The following IL1R2 variants were observed in gnomAD, a reference collection of about 807,000 sequenced individuals.
IL1R2 encodes interleukin-1 receptor type 2.
A neutral mutation model predicts 39.5 loss-of-function variants in IL1R2; 46 were observed. That is an observed-to-expected ratio of 1.16 (90% CI 0.92 to 1.49). The LOEUF (loss-of-function observed/expected upper bound fraction) is 1.49, where lower values mean the gene tolerates loss of function less well. Among genes scored for constraint, IL1R2 ranks in the 40% most tolerant of loss-of-function variants. The pLI is 0.00. For missense variants in IL1R2, 537 were observed against 502.0 expected, an observed-to-expected ratio of 1.07 and a Z score of -0.67; for synonymous variants, 207 against 189.6, an observed-to-expected ratio of 1.09 and a Z score of -0.75.
chr2:102,002,406 CTA>C (rs1404636541), intron 1 of IL1R2, among the ~76,000 whole-genome samples: 6 of 147,236 alleles, frequency 4.1e-5, no homozygotes, highest in Admixed American at 3.4e-4. Flanking sequence ...GTGTCTGTGT[CTA>C]TGTCTATGTC....
At position 102,024,526 on chromosome 2, in the gene IL1R2, T is replaced by C; in HGVS notation, c.752-7T>C. ...GCAGTTGACGTGCTGTGCCTTGCCA[T>C]CCACAGGGTCAAGACTGACAATCCC... is the stretch of plus-strand genomic sequence containing the variant. On this transcript the variant is annotated splice_region_variant and splice_polypyrimidine_tract_variant and intron_variant, in intron 6 of 8. Coordinates refer to ENST00000332549, the MANE Select transcript of IL1R2 (RefSeq NM_004633.4). 6.2e-7 allele frequency: 1 copy of C among 1,609,270 alleles called. No individual in the cohort carries two copies. Among genetic ancestry groups the C allele is most frequent in the Middle Eastern group, 1.7e-4 (1 of 6,056 alleles).
At chr2:101,999,371 A>G (rs910328339) in intron 1 of IL1R2, among the ~76,000 whole-genome samples, 4 of 152,246 alleles carry the variant, frequency 2.6e-5, no homozygotes, top group African/African-American at 9.6e-5. Context: ...GTTACTAATT[A>G]ACTTTATCCA....
chr2:102,025,441 A>G (rs1467464878), intron 7 of IL1R2, among the ~76,000 whole-genome samples: 1 of 152,264 alleles, frequency 6.6e-6, no homozygotes, highest in African/African-American at 2.4e-5. Context: ...CCTGGCCACA[A>G]CTAAATGCCC....
intron 1 of IL1R2, chr2:101,998,897 T>C (rs1675713869): frequency 6.6e-6 from 1 of 152,194 alleles, no homozygotes; most frequent in Non-Finnish European, 1.5e-5. Context: ...TGCATTGTAT[T>C]GGTTACACCA....
intron 3 of IL1R2, among the ~76,000 whole-genome samples, chr2:102,012,414 T>C (rs1023055072): frequency 1.3e-5 from 2 of 152,140 alleles, no homozygotes; most frequent in African/African-American, 4.8e-5. Flanking sequence ...GTGAGATTCT[T>C]AGCACAGTGG....
intron 1 of IL1R2, among the ~76,000 whole-genome samples, chr2:102,003,567 G>A (rs375389625): frequency 1.5e-4 from 11 of 75,768 alleles, no homozygotes; most frequent in African/African-American, 6.6e-4. Context: ...TGTCTGTGTC[G>A]GTGTCTGTGT....
At chr2:101,997,647 G>A (rs2150418412) in intron 1 of IL1R2, among the ~76,000 whole-genome samples, 1 of 152,266 alleles carries the variant, frequency 6.6e-6, no homozygotes, top group East Asian at 1.9e-4. Flanking sequence ...TTCTCTCCTG[G>A]GAGTGCAGGG....
In IL1R2 at chr2:102,006,038, A is replaced by G. The variant is rs1341048815; in HGVS notation, c.-61-2477A>G. ...GATAAAATGCAAGAATGAATGTTCA[A>G]TATTTGGCACAATAGCTATTGTTAT... On this transcript the variant is annotated intron_variant, in intron 1 of 8. Transcript: ENST00000332549. Among the ~76,000 whole-genome samples, 3 of 152,216 alleles carry G rather than the reference A, an allele frequency of 2.0e-5. No homozygotes were observed. The East Asian group carries it at 5.8e-4, about 29-fold the overall frequency.
rs1676405241 is a variant in IL1R2 at position 102,008,545 on chromosome 2, T to G, written c.-31T>G. The G allele has an allele frequency of 6.2e-7, 1 of 1,602,316 alleles. No individual in the cohort carries two copies. The highest frequency in any genetic ancestry group is 1.1e-5 in the South Asian group (1 of 90,808). On this transcript the variant is annotated 5_prime_UTR_variant, in exon 2 of 9. Transcript: ENST00000332549. ...GTGCTGCTGGGTCTCAGTCCTCCAC[T>G]TCCCGTGTCCTCTGGAAGTTGTCAG...
At chr2:102,020,265 T>C (rs1436775558) in intron 5 of IL1R2, among the ~76,000 whole-genome samples, 1 of 152,214 alleles carries the variant, frequency 6.6e-6, no homozygotes, top group Admixed American at 6.5e-5. Flanking sequence ...TTATTTGTCT[T>C]CCCTAAGGTG....
chr2:102,017,107 G>A (rs191747802), intron 4 of IL1R2, among the ~76,000 whole-genome samples: 1 of 152,158 alleles, frequency 6.6e-6, no homozygotes, highest in African/African-American at 2.4e-5. Flanking sequence ...TTTTTAAAAA[G>A]TACATGACAG....
At chr2:101,995,489 A>G (rs1185597287) in intron 1 of IL1R2, among the ~76,000 whole-genome samples, 2 of 152,176 alleles carry the variant, frequency 1.3e-5, no homozygotes, top group Non-Finnish European at 2.9e-5. Context: ...GCACAGCCCA[A>G]ACGATACCTT....
In IL1R2 at chr2:102,008,500, T is replaced by A; in HGVS notation, c.-61-15T>A. 8.6e-7 allele frequency: 1 copy of A among 1,156,784 alleles called. No individual in the cohort carries two copies. Among genetic ancestry groups the A allele is most frequent in the Non-Finnish European group, 1.3e-6 (1 of 763,372 alleles). The allele number at this position is 1,156,784 out of a possible 1,614,324, so 71.7% of individuals were successfully genotyped here. ...GGTTCTTGGTTCCTGGTGACACCTC[T>A]GTTTCCTCCCCTAGGCCACGTGCTG... On this transcript the variant is annotated splice_polypyrimidine_tract_variant and intron_variant, in intron 1 of 8. Transcript: ENST00000332549.
intron 1 of IL1R2, among the ~76,000 whole-genome samples, chr2:102,003,987 G>A (rs537428192): frequency 1.6e-4 from 17 of 104,536 alleles, no homozygotes; most frequent in African/African-American, 5.6e-4. Context: ...GTCTCGGTCT[G>A]GGTCTATGTC....
rs1209407331 is a variant in IL1R2, at chr2:102,004,452, T to G, written c.-61-4063T>G. On this transcript the variant is annotated intron_variant, in intron 1 of 8. Transcript: ENST00000332549. ...GGTCCTGTTTTTCATCATATGCCTC[T>G]GTTTTCTTATGTTGAATGTGGTGAA... Among the ~76,000 whole-genome samples the G allele has an allele frequency of 2.0e-5, 3 of 150,774 alleles. No homozygotes were observed. In the East Asian group the frequency reaches 5.8e-4, roughly 29 times the overall value.
chr2:102,002,353 T>TGTGTCTGTGTCG (rs61142063), intron 1 of IL1R2, among the ~76,000 whole-genome samples: 73,997 of 147,022 alleles, frequency 0.5, 19,967 homozygotes, highest in African/African-American at 0.71. Flanking sequence ...CGGGTGTGTC[T>TGTGTCTGTGTCG]GTGTCTGTGT....
At chr2:101,996,083 T>C (rs979777303) in intron 1 of IL1R2, among the ~76,000 whole-genome samples, 2 of 152,094 alleles carry the variant, frequency 1.3e-5, no homozygotes, top group Non-Finnish European at 2.9e-5. Context: ...GCACTTGTTT[T>C]TCTCAGTCAC....
intron 1 of IL1R2, among the ~76,000 whole-genome samples, chr2:102,006,132 A>G (rs569595852): frequency 5.6e-4 from 85 of 152,326 alleles, no homozygotes; most frequent in African/African-American, 1.9e-3. Flanking sequence ...GGTTAGCTAC[A>G]GTGTATTTAA....
At chr2:102,005,715 C>T (rs1367681082) in intron 1 of IL1R2, among the ~76,000 whole-genome samples, 1 of 152,186 alleles carries the variant, frequency 6.6e-6, no homozygotes, top group Non-Finnish European at 1.5e-5. Context: ...TGTCACATGG[C>T]CACTCCTTGT....
Sources: gnomAD v4.1 joint callset for allele counts (sites outside exome capture counted in the v4.1 genomes callset) on GRCh38, gnomAD v4.1.1 for gene constraint, MANE v1.5 for transcripts, NCBI Gene and HGNC (gene_info 2026-07-23, HGNC 2026-07-21) for gene names.